SULF2: variants seen among roughly 807,000 people sequenced by gnomAD.
SULF2 encodes the protein extracellular sulfatase Sulf-2.
Under a neutral mutation model 107.7 loss-of-function variants are expected in SULF2, and 52 were observed. That is an observed-to-expected ratio of 0.48 (90% CI 0.39 to 0.61). SULF2 has a LOEUF of 0.61. Among genes scored for constraint, SULF2 ranks in the 20% least tolerant of loss-of-function variants. The pLI is 0.00. For missense variants in SULF2, 993 were observed against 1,177.3 expected, an observed-to-expected ratio of 0.84 and a Z score of 2.29; for synonymous variants, 460 against 464.3, an observed-to-expected ratio of 0.99 and a Z score of 0.12.
chr20:47,783,069 T>C (rs968489816), intron 1 of SULF2, among the ~76,000 whole-genome samples: 11 of 152,182 alleles, frequency 7.2e-5, no homozygotes, highest in African/African-American at 2.2e-4. Context: ...TCATCTTTAA[T>C]ATGGCAACAA....
chr20:47,714,848 CCTGA>C (rs2146665131), intron 3 of SULF2, among the ~76,000 whole-genome samples: 1 of 152,322 alleles, frequency 6.6e-6, no homozygotes, highest in African/African-American at 2.4e-5. Flanking sequence ...CTTGCTGTTA[CCTGA>C]AAGAAATCAC....
chr20:47,662,410 T>G (rs1357223373), intron 17 of SULF2, among the ~76,000 whole-genome samples: 1 of 152,224 alleles, frequency 6.6e-6, no homozygotes, highest in Non-Finnish European at 1.5e-5. Flanking sequence ...ATATAGTAAT[T>G]AAAGCATTTG....
intron 2 of SULF2, among the ~76,000 whole-genome samples, chr20:47,744,982 A>C (rs1889196): frequency 6.6e-6 from 1 of 151,756 alleles, no homozygotes; most frequent in Non-Finnish European, 1.5e-5. Flanking sequence ...TATACACTTC[A>C]GTCCTAGACT....
intron 11 of SULF2, among the ~76,000 whole-genome samples, chr20:47,667,699 T>A (rs776564341): frequency 3.3e-5 from 5 of 152,188 alleles, no homozygotes; most frequent in Non-Finnish European, 5.9e-5. Context: ...GCAGTTGTCA[T>A]CCTTCTCCAG....
At chr20:47,780,653 A>G (rs112507370) in intron 1 of SULF2, among the ~76,000 whole-genome samples, 2,900 of 152,124 alleles carry the variant, frequency 0.019, 40 homozygotes, top group South Asian at 0.038. Flanking sequence ...TCCTGGGTTC[A>G]AGCGATTCTG....
At chr20:47,709,615 T>C (rs1157919530) in intron 3 of SULF2, among the ~76,000 whole-genome samples, 1 of 152,232 alleles carries the variant, frequency 6.6e-6, no homozygotes, top group Non-Finnish European at 1.5e-5. Flanking sequence ...TGACCCAAGC[T>C]GGGCCAACTG....
chr20:47,749,956 C>T (rs1286252067), intron 2 of SULF2, among the ~76,000 whole-genome samples: 1 of 152,210 alleles, frequency 6.6e-6, no homozygotes, highest in Non-Finnish European at 1.5e-5. Flanking sequence ...CCTGCAACTT[C>T]CCAGGTCCAG....
At chr20:47,760,692 G>A (rs1244908262) in intron 1 of SULF2, among the ~76,000 whole-genome samples, 1 of 152,184 alleles carries the variant, frequency 6.6e-6, no homozygotes, top group African/African-American at 2.4e-5. Context: ...TCCCCTGGGA[G>A]CAGGAAGCAG....
At chr20:47,681,174 T>C (rs911701225) in intron 7 of SULF2, among the ~76,000 whole-genome samples, 2 of 152,200 alleles carry the variant, frequency 1.3e-5, no homozygotes, top group African/African-American at 4.8e-5. Context: ...AAATGAGAGC[T>C]TTCCAATGGC....
chr20:47,762,185 G>A (rs1030922438), intron 1 of SULF2, among the ~76,000 whole-genome samples: 3 of 152,196 alleles, frequency 2.0e-5, no homozygotes, highest in African/African-American at 4.8e-5. Flanking sequence ...TCCCTCCATC[G>A]GGAAACACTA....
intron 18 of SULF2, chr20:47,661,452 C>G (rs933460086): frequency 1.5e-5 from 3 of 194,598 alleles, no homozygotes; most frequent in African/African-American, 7.0e-5. Flanking sequence ...ATGGGGTCAT[C>G]TTTAGTCAAC....
At chr20:47,742,228 C>T (rs2089901815) in intron 2 of SULF2, among the ~76,000 whole-genome samples, 1 of 152,184 alleles carries the variant, frequency 6.6e-6, no homozygotes, top group Admixed American at 6.5e-5. Flanking sequence ...CTTGCCCAGC[C>T]CCAGCCCTAA....
intron 3 of SULF2, among the ~76,000 whole-genome samples, chr20:47,728,079 A>C (rs1272767394): frequency 6.6e-6 from 1 of 152,134 alleles, no homozygotes; most frequent in Non-Finnish European, 1.5e-5. Context: ...AGAGACAGGA[A>C]GGCTACCTGC....
At chr20:47,722,416 A>G (rs930018847) in intron 3 of SULF2, among the ~76,000 whole-genome samples, 8 of 151,988 alleles carry the variant, frequency 5.3e-5, no homozygotes, top group African/African-American at 1.7e-4. Flanking sequence ...GTGTGCCACT[A>G]TGCCTGGCCA....
intron 5 of SULF2, among the ~76,000 whole-genome samples, chr20:47,688,756 C>T (rs906695493): frequency 3.0e-4 from 45 of 152,222 alleles, no homozygotes; most frequent in African/African-American, 9.6e-4. Context: ...AAGCCTCCTC[C>T]CCAGAGATCA....
chr20:47,746,142 T>C (rs1016395669), intron 2 of SULF2, among the ~76,000 whole-genome samples: 1 of 152,220 alleles, frequency 6.6e-6, no homozygotes, highest in African/African-American at 2.4e-5. Context: ...TGCCAGCACG[T>C]GCCTAGCCCT....
chr20:47,695,119 C>A (rs756499727), intron 4 of SULF2, among the ~76,000 whole-genome samples: 1 of 152,222 alleles, frequency 6.6e-6, no homozygotes, highest in South Asian at 2.1e-4. Context: ...ACTCTGCAGG[C>A]CCCCTGTCTC....
intron 3 of SULF2, among the ~76,000 whole-genome samples, chr20:47,710,437 C>T (rs1444532939): frequency 6.6e-6 from 1 of 151,806 alleles, no homozygotes; most frequent in Non-Finnish European, 1.5e-5. Context: ...TGGTCACATG[C>T]TGTAGGGGGG....
At chr20:47,751,727 T>G (rs777004007) in intron 2 of SULF2, among the ~76,000 whole-genome samples, 3 of 152,182 alleles carry the variant, frequency 2.0e-5, no homozygotes, top group African/African-American at 7.2e-5. Context: ...CCTTTTTGAT[T>G]CCTCAATCCT....
Sources: allele counts gnomAD v4.1 joint callset (sites outside exome capture counted in the v4.1 genomes callset), GRCh38; gene constraint gnomAD v4.1.1; transcripts MANE v1.5; gene names NCBI Gene and HGNC (gene_info 2026-07-23, HGNC 2026-07-21).